The following GRID1 variants were observed in gnomAD, a reference collection of about 807,000 sequenced individuals.
GRID1 encodes the protein glutamate receptor ionotropic, delta-1.
GRID1 carries 28 observed loss-of-function variants against 98.0 expected under a neutral mutation model. That is an observed-to-expected ratio of 0.29 (90% CI 0.21 to 0.39). GRID1 has a LOEUF of 0.39. GRID1 is among the 10% of genes least tolerant of loss of function. The pLI is 1.00. For synonymous variants in GRID1, 553 were observed against 538.5 expected (o/e 1.03, Z -0.37); for missense variants, 1,111 against 1,340.5 (o/e 0.83, Z 2.67).
chr10:85,771,691 AC>A (rs1268133417), intron 8 of GRID1, among the ~76,000 whole-genome samples: 1 of 152,232 alleles, frequency 6.6e-6, no homozygotes, highest in African/African-American at 2.4e-5. Flanking sequence ...TGATAAACAG[AC>A]TTTAAACCAG....
intron 8 of GRID1, among the ~76,000 whole-genome samples, chr10:85,766,562 A>G (rs746564918): frequency 4.6e-5 from 7 of 152,196 alleles, no homozygotes; most frequent in Non-Finnish European, 7.3e-5. Flanking sequence ...CTAAACAACT[A>G]CTAATAAAAA....
chr10:85,603,852 A>G (rs893570834), intron 15 of GRID1, among the ~76,000 whole-genome samples: 1 of 152,326 alleles, frequency 6.6e-6, no homozygotes, highest in African/African-American at 2.4e-5. Flanking sequence ...TCATGTTGGC[A>G]TCTTGTATTG....
chr10:85,893,720 TAAGA>T (rs1167253161), intron 5 of GRID1, among the ~76,000 whole-genome samples: 3 of 152,094 alleles, frequency 2.0e-5, no homozygotes, highest in South Asian at 2.1e-4. Context: ...TAAAAATAAT[TAAGA>T]AAGACCTAAA....
At chr10:85,838,723 T>C (rs760219981) in intron 8 of GRID1, among the ~76,000 whole-genome samples, 1 of 152,118 alleles carries the variant, frequency 6.6e-6, no homozygotes, top group Non-Finnish European at 1.5e-5. Context: ...AGTGACACTA[T>C]AAAGCAACCA....
chr10:85,816,492 G>T lies in GRID1; in HGVS notation c.1233+38004C>A, dbSNP rs571892094. On this transcript the variant is annotated intron_variant, in intron 8 of 15. Transcript: ENST00000327946. The stretch of plus-strand genomic sequence containing the variant: ...AGTCAACCTATAGAGACAAAAATTT[G>T]ACTAGTGGTTGGTTGCCTGGCTGGT... Among the ~76,000 whole-genome samples, 3 of 152,194 alleles carry T rather than the reference G, an allele frequency of 2.0e-5. No individual in the cohort carries two copies. In the South Asian group the frequency reaches 6.2e-4, roughly 32 times the overall value.
chr10:86,206,481 C>A lies in GRID1; in HGVS notation c.403G>T (p.Asp135Tyr). 6.2e-7 allele frequency: 1 copy of A among 1,614,176 alleles called. No individual in the cohort carries two copies. Among genetic ancestry groups the A allele is most frequent in the South Asian group, 1.1e-5 (1 of 91,078 alleles). ...GAAGCCAGTGTGTAGGCCTCACCAT[C>A]GGGGCTGGGGTTCAGGTGGCATGCG... is the stretch of plus-strand genomic sequence containing the variant. ...RTACHLNPSP[D>Y]GEAYTLASRP... Residue 135 changes from aspartate to tyrosine, a missense_variant, in exon 3 of 16, where the codon GAT (aspartate) becomes TAT (tyrosine). By Grantham distance (160) the Asp-to-Tyr change is radical. Coordinates refer to ENST00000327946, the MANE Select transcript of GRID1 (RefSeq NM_017551.3). The surrounding 1 kb of genome is among the most constrained non-coding windows in gnomAD (Gnocchi z 4.1).
intron 2 of GRID1, among the ~76,000 whole-genome samples, chr10:86,294,834 G>A (rs529563669): frequency 6.6e-5 from 10 of 152,306 alleles, no homozygotes; most frequent in East Asian, 3.9e-4. Context: ...GATTAAAGTT[G>A]GGGACATGGG....
intron 4 of GRID1, among the ~76,000 whole-genome samples, chr10:85,989,011 G>A (rs1036299836): frequency 5.9e-5 from 9 of 152,178 alleles, no homozygotes; most frequent in Non-Finnish European, 1.2e-4. Flanking sequence ...CTTTTTGTGC[G>A]GTTTGTGAGG....
chr10:86,322,261 A>G (rs1430961430), intron 2 of GRID1, among the ~76,000 whole-genome samples: 1 of 152,214 alleles, frequency 6.6e-6, no homozygotes, highest in African/African-American at 2.4e-5. Flanking sequence ...CATGAAGGAT[A>G]TAAGCTCCAA....
intron 2 of GRID1, among the ~76,000 whole-genome samples, chr10:86,314,489 C>A (rs957575732): frequency 6.6e-6 from 1 of 152,208 alleles, no homozygotes; most frequent in South Asian, 2.1e-4. Context: ...CAGAGCCTGG[C>A]CTGGGGAAAT....
chr10:85,745,689 A>T (rs1164494516), intron 8 of GRID1, among the ~76,000 whole-genome samples: 3 of 147,090 alleles, frequency 2.0e-5, no homozygotes, highest in Non-Finnish European at 3.0e-5. Context: ...AACCTGCACA[A>T]TGTGCACATG....
chr10:85,839,830 G>GA (rs1305005415), intron 8 of GRID1, among the ~76,000 whole-genome samples: 1 of 151,444 alleles, frequency 6.6e-6, no homozygotes, highest in Non-Finnish European at 1.5e-5. Context: ...CTGGTTTTGT[G>GA]AAAAAAATAA....
intron 4 of GRID1, among the ~76,000 whole-genome samples, chr10:86,022,227 T>C (rs1198657201): frequency 2.6e-5 from 4 of 152,246 alleles, no homozygotes; most frequent in Admixed American, 2.6e-4. Flanking sequence ...ATAAAATGTA[T>C]CTTTAGAAGA....
At chr10:85,883,492 GTCTC>G (rs1208463812) in intron 5 of GRID1, among the ~76,000 whole-genome samples, 5 of 133,306 alleles carry the variant, frequency 3.8e-5, no homozygotes, top group East Asian at 2.1e-4. Context: ...TTCTCTCTCT[GTCTC>G]TCTCTCTCTC....
At chr10:85,755,818 G>T (rs562180714) in intron 8 of GRID1, among the ~76,000 whole-genome samples, 1 of 152,048 alleles carries the variant, frequency 6.6e-6, no homozygotes, top group Non-Finnish European at 1.5e-5. Context: ...AATTACACAG[G>T]CCTCTCCCCT....
At chr10:86,298,659 A>G (rs1847631438) in intron 2 of GRID1, among the ~76,000 whole-genome samples, 1 of 151,624 alleles carries the variant, frequency 6.6e-6, no homozygotes, top group Non-Finnish European at 1.5e-5. Context: ...GGAGCTAAAC[A>G]TGCCCCCGAG....
intron 2 of GRID1, among the ~76,000 whole-genome samples, chr10:86,341,593 G>A (rs763486586): frequency 7.2e-5 from 11 of 152,132 alleles, no homozygotes; most frequent in Non-Finnish European, 1.6e-4. Context: ...CTCACCAGCT[G>A]TAAATAACAG....
At chr10:86,271,800 G>A (rs941233873) in intron 2 of GRID1, among the ~76,000 whole-genome samples, 6 of 152,210 alleles carry the variant, frequency 3.9e-5, no homozygotes, top group African/African-American at 1.2e-4. Flanking sequence ...ACTTCAAGTG[G>A]TCTAACATAT....
intron 8 of GRID1, among the ~76,000 whole-genome samples, chr10:85,812,147 A>T (rs568828639): frequency 2.8e-4 from 43 of 152,300 alleles, no homozygotes; most frequent in African/African-American, 1.0e-3. Flanking sequence ...AGATAAGCAA[A>T]AACTACAGGA....
Sources: gnomAD v4.1 joint callset for allele counts (sites outside exome capture counted in the v4.1 genomes callset) on GRCh38, gnomAD v4.1.1 for gene constraint, Gnocchi (gnomAD v3.1) non-coding constraint, MANE v1.5 for transcripts, NCBI Gene and HGNC (gene_info 2026-07-23, HGNC 2026-07-21) for gene names.